The following STAT3 variants were observed in gnomAD, a reference collection of about 807,000 sequenced individuals.
The protein encoded by STAT3 is signal transducer and activator of transcription 3, also known as DNA-binding protein APRF.
Under a neutral mutation model 114.3 loss-of-function variants are expected in STAT3, and 7 were observed. That is an observed-to-expected ratio of 0.06 (90% CI 0.03 to 0.11). The LOEUF is 0.11. STAT3 is among the 10% of genes least tolerant of loss of function. The pLI is 1.00. For missense variants in STAT3, 364 were observed against 960.9 expected, an observed-to-expected ratio of 0.38 and a Z score of 8.21; for synonymous variants, 331 against 354.5, an observed-to-expected ratio of 0.93 and a Z score of 0.74.
At chr17:42,330,134 T>G (rs1038010822) in intron 11 of STAT3, among the ~76,000 whole-genome samples, 6 of 151,972 alleles carry the variant, frequency 3.9e-5, no homozygotes, top group African/African-American at 1.2e-4. Context: ...TTTTTTTTTT[T>G]TGAGATAGTT....
Position 42,346,703 on chromosome 17 carries a change from C to A in STAT3, c.139G>T (p.Ala47Ser). The change falls in exon 3 of 24, where the codon GCC becomes TCC. Residue 47 changes from alanine to serine, a missense_variant. Physicochemically the swap from Ala to Ser is moderately conservative, Grantham distance 99. This residue lies in a region of STAT3 where 294 missense variants were observed against 745.1 expected (regional missense o/e 0.39). Transcript: ENST00000264657. ...AAAGTGGCATGTGATTCTTTGCTGG[C>A]CGCATATGCCCTAGGAAAAGGAAGA... is the stretch of plus-strand genomic sequence containing the variant. ...WIESQDWAYA[A>S]SKESHATLVF... 1 of 1,614,084 alleles carries A rather than the reference C, an allele frequency of 6.2e-7. No individual in the cohort carries two copies. The highest frequency in any genetic ancestry group is 8.5e-7 in the Non-Finnish European group (1 of 1,180,034).
Position 42,322,278 on chromosome 17 carries a change from C to G in STAT3, c.2101+4G>C, listed in dbSNP as rs1194579357. Reference sequence around the variant, plus strand: ...AAATGCCAGGAACATGGAAAATCAACAACTACCTGGGTCAGCTTCAGGATG... The same window carrying G: ...AAATGCCAGGAACATGGAAAATCAAGAACTACCTGGGTCAGCTTCAGGATG... On this transcript the variant is annotated splice_donor_region_variant and intron_variant, in intron 21 of 23. Coordinates refer to ENST00000264657, the MANE Select transcript of STAT3 (RefSeq NM_139276.3). 1 of 1,614,220 alleles carries G rather than the reference C, an allele frequency of 6.2e-7. No individual in the cohort carries two copies. The highest frequency in any genetic ancestry group is 8.5e-7 in the Non-Finnish European group (1 of 1,180,044).
chr17:42,366,353 C>A lies in STAT3; in HGVS notation c.-23-17814G>T, dbSNP rs17882436. On this transcript the variant is annotated intron_variant, in intron 1 of 23. Coordinates refer to ENST00000264657, the MANE Select transcript of STAT3 (RefSeq NM_139276.3). Reference sequence around the variant, plus strand: ...CCTCCTGCCACACCTAATCCATTAACAAATCCTGTTGGCTCTGTCTTCAAA... The same window carrying A: ...CCTCCTGCCACACCTAATCCATTAAAAAATCCTGTTGGCTCTGTCTTCAAA... Among the ~76,000 whole-genome samples, 452 of 148,326 alleles carry A rather than the reference C, an allele frequency of 3.0e-3. 1 individual carries two copies. The highest frequency in any genetic ancestry group is 0.011 in the African/African-American group (433 of 40,118).
At chr17:42,331,036 C>T (rs931006239) in intron 11 of STAT3, among the ~76,000 whole-genome samples, 1 of 152,182 alleles carries the variant, frequency 6.6e-6, no homozygotes, top group Non-Finnish European at 1.5e-5. Flanking sequence ...AGCCTACGAC[C>T]AGTAGGCTCT....
chr17:42,326,253 A>T, intron 14 of STAT3, 54 bp from the exon 15 acceptor site: 1 of 1,540,796 alleles, frequency 6.5e-7, no homozygotes, highest in South Asian at 1.1e-5. Flanking sequence ...CATGCCTGTA[A>T]TCCCAGCACT....
rs1044726408 is a variant in STAT3, at chr17:42,337,126, C to A, written c.797+309G>T. Among the ~76,000 whole-genome samples, 1 of 151,902 alleles carries A rather than the reference C, an allele frequency of 6.6e-6. No homozygotes were observed. Among genetic ancestry groups the A allele is most frequent in the Admixed American group, 6.6e-5 (1 of 15,226 alleles). On this transcript the variant is annotated intron_variant, in intron 8 of 23. Transcript: ENST00000264657. This position sits in a 1 kb window ranked among gnomAD's most constrained non-coding sequence, Gnocchi z 4.0. ...CCCAGAGTAGCTGGGACTACAGGTG[C>A]GCACCACCACGCCCGGCTAATTTTT...
At position 42,324,815 on chromosome 17, in the gene STAT3, C is replaced by A; in HGVS notation, c.1496G>T (p.Gly499Val). The change falls in exon 17 of 24, where the codon GGA becomes GTA. Residue 499 changes from glycine to valine, a missense_variant. By Grantham distance (109) the Gly-to-Val change is moderately radical (BLOSUM62 -3). This residue lies in a region of STAT3 where 294 missense variants were observed against 745.1 expected (regional missense o/e 0.39). Coordinates refer to ENST00000264657, the MANE Select transcript of STAT3 (RefSeq NM_139276.3). This position sits in a 1 kb window ranked among gnomAD's most constrained non-coding sequence, Gnocchi z 4.5. ...NVNFFTKPPI[G>V]TWDQVAEVLS... ...GACCTCGGCCACTTGATCCCAGGTT[C>A]CAATTGGGGGCTTGGTAAAAAAGTT... is the stretch of plus-strand genomic sequence containing the variant. 1.2e-6 allele frequency: 2 copies of A among 1,614,122 alleles called. No individual in the cohort carries two copies. Among genetic ancestry groups the A allele is most frequent in the East Asian group, 4.5e-5 (2 of 44,878 alleles).
intron 1 of STAT3, among the ~76,000 whole-genome samples, chr17:42,358,243 T>C (rs2083322732): frequency 6.6e-6 from 1 of 152,180 alleles, no homozygotes. Context: ...CCGTGAGACC[T>C]TGCCTCTACA....
rs199748968 is a variant in STAT3, at chr17:42,324,679, T to C, written c.1600+32A>G. ...GGGCCGGATCCCTTTTCTGGGCGGGTGGGCGGGAGGGAGAAGGGGTGAAAT... is the reference window on the plus strand; with the variant it reads ...GGGCCGGATCCCTTTTCTGGGCGGGCGGGCGGGAGGGAGAAGGGGTGAAAT... On this transcript the variant is annotated intron_variant, in intron 17 of 23. Transcript: ENST00000264657. The surrounding 1 kb of genome is among the most constrained non-coding windows in gnomAD (Gnocchi z 4.5). The C allele has an allele frequency of 1.6e-5, 8 of 504,498 alleles. No homozygotes were observed. In the East Asian group the frequency reaches 6.4e-4, roughly 41 times the overall value. 31.3% of individuals were successfully genotyped at this position (504,498 alleles called of 1,614,324 possible).
chr17:42,382,808 G>A (rs1025975203), intron 1 of STAT3, among the ~76,000 whole-genome samples: 1 of 151,756 alleles, frequency 6.6e-6, no homozygotes, highest in African/African-American at 2.4e-5. Flanking sequence ...CACCACGCTG[G>A]GCTAATTTTT....
At chr17:42,387,152 A>T (rs939761194) in intron 1 of STAT3, 1 of 152,216 alleles carries the variant, frequency 6.6e-6, no homozygotes, top group Admixed American at 6.5e-5. Flanking sequence ...ACCAGCAGGT[A>T]CACACTATAC....
At chr17:42,320,249 G>A (rs958860493) in intron 21 of STAT3, among the ~76,000 whole-genome samples, 3 of 152,132 alleles carry the variant, frequency 2.0e-5, no homozygotes, top group African/African-American at 4.8e-5. Flanking sequence ...GAAAGGCAAC[G>A]GTCAATTAGC....
intron 1 of STAT3, among the ~76,000 whole-genome samples, chr17:42,355,404 T>C (rs1265912996): frequency 6.6e-6 from 1 of 152,116 alleles, no homozygotes; most frequent in East Asian, 1.9e-4. Flanking sequence ...CCACTCTGGG[T>C]GCATAAGAGA....
chr17:42,387,960 C>T (rs965679024), intron 1 of STAT3: 4 of 276,984 alleles, frequency 1.4e-5, no homozygotes, highest in Admixed American at 5.3e-5. Context: ...CCCCAGGGCC[C>T]CAGGGAGCAG....
intron 1 of STAT3, among the ~76,000 whole-genome samples, chr17:42,352,249 G>T (rs1309940709): frequency 4.6e-5 from 7 of 151,926 alleles, no homozygotes; most frequent in Non-Finnish European, 7.4e-5. Flanking sequence ...TGAGGCAGGA[G>T]AATCACTTGA....
intron 1 of STAT3, among the ~76,000 whole-genome samples, chr17:42,374,750 A>G (rs1430399534): frequency 6.6e-6 from 1 of 152,330 alleles, no homozygotes; most frequent in African/African-American, 2.4e-5. Flanking sequence ...CCATTTACAG[A>G]TAAGGACAGA....
In STAT3 at chr17:42,324,952, G is replaced by A. The variant is rs765477176; in HGVS notation, c.1464+11C>T. On this transcript the variant is annotated intron_variant, in intron 16 of 23. Transcript: ENST00000264657. The surrounding 1 kb of genome is among the most constrained non-coding windows in gnomAD (Gnocchi z 4.5). ...ATCCCGGGGCACCAACTAAAAGGAGGGGGCACTAACCTTGGGATTGTTGGT... is the reference window on the plus strand; with the variant it reads ...ATCCCGGGGCACCAACTAAAAGGAGAGGGCACTAACCTTGGGATTGTTGGT... 2 of 1,614,126 alleles carry A rather than the reference G, an allele frequency of 1.2e-6. No individual in the cohort carries two copies. The highest frequency in any genetic ancestry group is 1.7e-6 in the Non-Finnish European group (2 of 1,180,018).
chr17:42,352,772 A>G (rs952019322), intron 1 of STAT3, among the ~76,000 whole-genome samples: 2 of 152,176 alleles, frequency 1.3e-5, no homozygotes, highest in Non-Finnish European at 1.5e-5. Flanking sequence ...TGTAGATTCT[A>G]TTGCATACAA....
At chr17:42,343,002 C>CAA (rs757011535) in intron 4 of STAT3, among the ~76,000 whole-genome samples, 128 of 115,572 alleles carry the variant, frequency 1.1e-3, no homozygotes, top group African/African-American at 3.6e-3. Flanking sequence ...CCATCTCTAC[C>CAA]AAAAAAAAAA....
Sources: gnomAD v4.1 joint callset for allele counts (sites outside exome capture counted in the v4.1 genomes callset) on GRCh38, gnomAD v4.1.1 for gene constraint, gnomAD v4.1.1 regional missense constraint, Gnocchi (gnomAD v3.1) non-coding constraint, MANE v1.5 for transcripts, NCBI Gene and HGNC (gene_info 2026-07-23, HGNC 2026-07-21) for gene names.